The following BRINP1 variants were observed in gnomAD, a reference collection of about 807,000 sequenced individuals.
BRINP1 encodes the protein BMP/retinoic acid inducible neural specific 1, also known as BMP/retinoic acid-inducible neural-specific protein 1.
In BRINP1, 17 loss-of-function variants were observed where a neutral mutation model predicts 72.9. The observed-to-expected ratio is 0.23, with a 90% confidence interval of 0.16 to 0.35. The LOEUF (loss-of-function observed/expected upper bound fraction) is 0.35. Ranked by LOEUF, BRINP1 falls within the 10% of genes least tolerant of loss-of-function variation. The probability of loss-of-function intolerance (pLI) is 1.00; values close to 1 mark genes in which losing one functional copy is unlikely to be tolerated. For synonymous variants in BRINP1, 418 were observed against 378.5 expected (o/e 1.10, Z -1.21); for missense variants, 850 against 1,001.6 (o/e 0.85, Z 2.04).
chr9:119,171,534 G>C (rs1472138471), intron 7 of BRINP1, among the ~76,000 whole-genome samples: 16 of 150,402 alleles, frequency 1.1e-4, no homozygotes, highest in Non-Finnish European at 2.1e-4. Context: ...TTAATAATGG[G>C]AGACTTTAAC....
At chr9:119,242,527 T>C (rs1267614650) in intron 3 of BRINP1, among the ~76,000 whole-genome samples, 1 of 152,150 alleles carries the variant, frequency 6.6e-6, no homozygotes, top group Non-Finnish European at 1.5e-5. Flanking sequence ...GAAAGTTCAG[T>C]CTCTTCTATA....
chr9:119,172,144 G>C (rs1362049281), intron 7 of BRINP1, among the ~76,000 whole-genome samples: 1 of 151,696 alleles, frequency 6.6e-6, no homozygotes. Context: ...GAGCAGAACT[G>C]AAGGAAATAG....
intron 7 of BRINP1, among the ~76,000 whole-genome samples, chr9:119,204,043 C>G (rs1008629847): frequency 6.6e-6 from 1 of 152,224 alleles, no homozygotes; most frequent in African/African-American, 2.4e-5. Context: ...GACACTCCCT[C>G]TCTGAGCCCA....
intron 1 of BRINP1, among the ~76,000 whole-genome samples, chr9:119,350,458 C>T (rs1193565153): frequency 2.0e-5 from 3 of 152,144 alleles, no homozygotes; most frequent in African/African-American, 7.2e-5. Context: ...GTGCTTTCTC[C>T]TACAGCTCAT....
At chr9:119,295,664 A>AGTAT (rs35503397) in intron 2 of BRINP1, among the ~76,000 whole-genome samples, 41,568 of 151,966 alleles carry the variant, frequency 0.27, 6,580 homozygotes, top group Non-Finnish European at 0.35. Flanking sequence ...TATTCAAAAC[A>AGTAT]GTATGGTACT....
chr9:119,245,652 C>G (rs1025547095), intron 3 of BRINP1, among the ~76,000 whole-genome samples: 1 of 152,188 alleles, frequency 6.6e-6, no homozygotes, highest in Non-Finnish European at 1.5e-5. Context: ...CTTCTCCATT[C>G]CCATAGCCTT....
rs758518892 is a variant in BRINP1 at position 119,167,723 on chromosome 9, G to C, written c.1647C>G (p.Cys549Trp). ...HMVIGMSMRI[C>W]QMRNSSLDPM... ...GGTCCAGGCTGCTGTTGCGCATCTG[G>C]CAGATGCGCATGGACATGCCGATCA... The change falls in exon 8 of 8, where the codon TGC (cysteine) becomes TGG (tryptophan). Residue 549 changes from cysteine (C) to tryptophan (W), a missense_variant. Coordinates refer to ENST00000265922, the MANE Select transcript of BRINP1 (RefSeq NM_014618.3). The surrounding 1 kb of genome is among the most constrained non-coding windows in gnomAD (Gnocchi z 4.3). 2 of 1,614,098 alleles carry C rather than the reference G, an allele frequency of 1.2e-6. No individual in the cohort carries two copies. Among genetic ancestry groups the C allele is most frequent in the East Asian group, 2.2e-5 (1 of 44,858 alleles).
rs79488770 is a variant in BRINP1 at position 119,307,980 on chromosome 9, G to A, written c.218+5158C>T. Among the ~76,000 whole-genome samples, 1,181 of 152,202 alleles carry A rather than the reference G, an allele frequency of 7.8e-3. 15 individuals carry two copies. Among genetic ancestry groups the A allele is most frequent in the African/African-American group, 0.028 (1,144 of 41,534 alleles). ...AAATTAACCCTTTCACTACGTACAA[G>A]CTGTGCAAATGGAGAGATAATAGCA... On this transcript the variant is annotated intron_variant, in intron 2 of 7. Transcript: ENST00000265922.
intron 6 of BRINP1, among the ~76,000 whole-genome samples, chr9:119,212,484 C>T (rs932923082): frequency 1.5e-4 from 23 of 152,156 alleles, no homozygotes; most frequent in Admixed American, 6.5e-5. Context: ...CTGCTGTGAG[C>T]ACTAGATTTG....
intron 5 of BRINP1, among the ~76,000 whole-genome samples, chr9:119,230,146 A>T (rs966049997): frequency 4.6e-5 from 7 of 152,074 alleles, no homozygotes; most frequent in African/African-American, 1.7e-4. Flanking sequence ...TAAAAATAAT[A>T]GTTTTCAAAA....
chr9:119,279,061 A>G (rs1044708361), intron 2 of BRINP1, among the ~76,000 whole-genome samples: 7 of 152,212 alleles, frequency 4.6e-5, no homozygotes, highest in Admixed American at 1.3e-4. Flanking sequence ...CTGATTTACC[A>G]GGGCTCAAAG....
At chr9:119,187,030 A>G (rs1256408119) in intron 7 of BRINP1, among the ~76,000 whole-genome samples, 1 of 151,966 alleles carries the variant, frequency 6.6e-6, no homozygotes, top group Non-Finnish European at 1.5e-5. Context: ...CGGGAGCCAT[A>G]CCAGTGCAGT....
intron 7 of BRINP1, among the ~76,000 whole-genome samples, chr9:119,174,970 G>A (rs1416567662): frequency 6.7e-6 from 1 of 150,242 alleles, no homozygotes; most frequent in African/African-American, 2.5e-5. Context: ...ACTGTTGTGG[G>A]GTGGGGGGAG....
chr9:119,316,494 A>T (rs1417269380), intron 1 of BRINP1, among the ~76,000 whole-genome samples: 3 of 152,100 alleles, frequency 2.0e-5, no homozygotes, highest in African/African-American at 7.2e-5. Context: ...CAAAGGACAG[A>T]CTGTCTCTCG....
intron 5 of BRINP1, among the ~76,000 whole-genome samples, chr9:119,232,636 A>G (rs1830158893): frequency 6.6e-6 from 1 of 152,156 alleles, no homozygotes; most frequent in South Asian, 2.1e-4. Context: ...TCTGGCTTTA[A>G]AAACATACCT....
chr9:119,325,548 C>T (rs538000905), intron 1 of BRINP1, among the ~76,000 whole-genome samples: 5 of 152,224 alleles, frequency 3.3e-5, no homozygotes, highest in Non-Finnish European at 7.3e-5. Flanking sequence ...CTTCCCTTTG[C>T]CTTACACACT....
At chr9:119,358,277 C>A (rs4540472) in intron 1 of BRINP1, among the ~76,000 whole-genome samples, 77,796 of 151,704 alleles carry the variant, frequency 0.51, 20,780 homozygotes, top group East Asian at 0.98. Context: ...CTGATGAATA[C>A]CCTGTCTTAT....
intron 2 of BRINP1, among the ~76,000 whole-genome samples, chr9:119,282,383 G>T (rs78489836): frequency 6.6e-6 from 1 of 152,174 alleles, no homozygotes; most frequent in African/African-American, 2.4e-5. Flanking sequence ...CCAGCAAAAT[G>T]GGTAAGGCTT....
chr9:119,233,048 G>A (rs536860476), intron 5 of BRINP1, among the ~76,000 whole-genome samples: 24 of 143,680 alleles, frequency 1.7e-4, no homozygotes, highest in Admixed American at 4.9e-4. Context: ...TTTGCTTTAC[G>A]TTTGCCTTGT....
Sources: allele counts gnomAD v4.1 joint callset (sites outside exome capture counted in the v4.1 genomes callset), GRCh38; gene constraint gnomAD v4.1.1; non-coding constraint Gnocchi (gnomAD v3.1); transcripts MANE v1.5; gene names NCBI Gene and HGNC (gene_info 2026-07-23, HGNC 2026-07-21).